RLN2: variants seen among roughly 807,000 people sequenced by gnomAD.
RLN2 encodes relaxin 2, also known as prorelaxin H2.
RLN2 carries 10 observed loss-of-function variants against 7.3 expected under a neutral mutation model. The ratio of observed to expected loss-of-function variants is 1.36; its 90% CI spans 0.84 to 2.31. The LOEUF (loss-of-function observed/expected upper bound fraction) is 2.31. RLN2 is among the 30% of genes most tolerant of loss of function. The pLI is 0.00. For synonymous variants in RLN2, 103 were observed against 82.3 expected (o/e 1.25, Z -1.36); for missense variants, 298 against 217.6 (o/e 1.37, Z -2.32).
At chr9:5,318,007 C>CGTGTGTGCGTGTGTGTGT in the RLN2 span, among the ~76,000 whole-genome samples, 9 of 147,948 alleles carry the variant, frequency 6.1e-5, no homozygotes, top group African/African-American at 2.3e-4. Context: ...TGTGTGTGTG[C>CGTGTGTGCGTGTGTGTGT]GTGTGTGTGT....
chr9:5,305,254 C>G (rs531499420), upstream of RLN2, among the ~76,000 whole-genome samples: 4 of 151,750 alleles, frequency 2.6e-5, no homozygotes, highest in Non-Finnish European at 5.9e-5. Context: ...ACAATTTCTC[C>G]ATTGCACTTT....
Position 5,300,235 on chromosome 9 carries a change from C to T in RLN2, c.421G>A (p.Ala141Thr), listed in dbSNP as rs61738985. 2.8e-3 allele frequency: 4,507 copies of T among 1,613,818 alleles called. 12 individuals are homozygous for T. Among genetic ancestry groups the T allele is most frequent in the Non-Finnish European group, 3.3e-3 (3,872 of 1,179,784 alleles). Reference protein sequence around the residue: ...KLIRNRQSEAADSSPSELKYL... With the variant: ...KLIRNRQSEATDSSPSELKYL... ...TTTAATTCTGAAGGACTGCTGTCTGCGGCTTCACTTTGTCTATTGCGAATA... is the reference window on the plus strand; with the variant it reads ...TTTAATTCTGAAGGACTGCTGTCTGTGGCTTCACTTTGTCTATTGCGAATA... Residue 141 changes from alanine (A) to threonine (T), a missense_variant, in exon 2 of 2, where the codon GCA becomes ACA. Coordinates refer to ENST00000381627, the MANE Select transcript of RLN2 (RefSeq NM_134441.3).
At chr9:5,334,237 G>T in the RLN2 span, among the ~76,000 whole-genome samples, 2 of 152,042 alleles carry the variant, frequency 1.3e-5, no homozygotes, top group South Asian at 4.2e-4. Flanking sequence ...GTGTTTGTTT[G>T]CAGATGACAT....
chr9:5,335,494 C>T, the RLN2 span: 2 of 1,612,954 alleles, frequency 1.2e-6, no homozygotes, highest in African/African-American at 1.3e-5. Flanking sequence ...ATGATGGTTG[C>T]CTCTCAGATA....
intron 1 of RLN2, among the ~76,000 whole-genome samples, chr9:5,301,583 C>G (rs949280301): frequency 6.6e-6 from 1 of 152,126 alleles, no homozygotes; most frequent in East Asian, 1.9e-4. Flanking sequence ...TCTTCCTGGA[C>G]AGGAAAACTC....
rs776086782 is a variant in RLN2, at chr9:5,304,437, G to C, written c.144C>G (p.Gly48=). The change falls in exon 1 of 2, where the codon GGC becomes GGG. Residue 48 remains glycine, a synonymous_variant. Coordinates refer to ENST00000381627, the MANE Select transcript of RLN2 (RefSeq NM_134441.3). ...ELVRAQIAIC[G]MSTWSKRSLS... is the part of the protein sequence containing the mutation. Reference sequence around the variant, plus strand: ...GAGACCTTTTGCTCCAGGTGCTCATGCCGCAAATGGCAATCTGCGCGCGAA... The same window carrying C: ...GAGACCTTTTGCTCCAGGTGCTCATCCCGCAAATGGCAATCTGCGCGCGAA... 6 of 1,612,778 alleles carry C rather than the reference G, an allele frequency of 3.7e-6. No individual in the cohort carries two copies. Among genetic ancestry groups the C allele is most frequent in the Non-Finnish European group, 4.2e-6 (5 of 1,179,662 alleles).
At chr9:5,314,903 A>G in the RLN2 span, among the ~76,000 whole-genome samples, 5 of 150,952 alleles carry the variant, frequency 3.3e-5, no homozygotes, top group African/African-American at 4.9e-5. Flanking sequence ...CGTTTCCCAA[A>G]TTGCAGCTGT....
In RLN2 at chr9:5,300,319, G is replaced by C. The variant is rs557794338; in HGVS notation, c.337C>G (p.Gln113Glu). 1.9e-6 allele frequency: 3 copies of C among 1,613,986 alleles called. No individual in the cohort carries two copies. The East Asian group carries it at 6.7e-5, about 36-fold the overall frequency. Residue 113 changes from glutamine to glutamate, a missense_variant, in exon 2 of 2, where the codon CAA (glutamine) becomes GAA (glutamate). Coordinates refer to ENST00000381627, the MANE Select transcript of RLN2 (RefSeq NM_134441.3). Reference sequence around the variant, plus strand: ...TCTTTTAATACAGGTACATGTTGTTGTAGCTGTGGTAATGCTGGCTGCATC... The same window carrying C: ...TCTTTTAATACAGGTACATGTTGTTCTAGCTGTGGTAATGCTGGCTGCATC... ...SEMQPALPQL[Q>E]QHVPVLKDSS...
the RLN2 span, among the ~76,000 whole-genome samples, chr9:5,322,526 C>CT: frequency 1.6e-4 from 24 of 151,876 alleles, no homozygotes; most frequent in African/African-American, 2.7e-4. Flanking sequence ...TGTGATCTTC[C>CT]TTTTTTTTGT....
the RLN2 span, among the ~76,000 whole-genome samples, chr9:5,329,842 A>G: frequency 6.6e-6 from 1 of 151,986 alleles, no homozygotes; most frequent in African/African-American, 2.4e-5. Context: ...TCAATAATAG[A>G]CAGATCAATG....
upstream of RLN2, among the ~76,000 whole-genome samples, chr9:5,306,954 G>C (rs1197336359): frequency 6.6e-6 from 1 of 152,046 alleles, no homozygotes; most frequent in Non-Finnish European, 1.5e-5. Flanking sequence ...TTCTGGGAAA[G>C]CCTTTATTTC....
At chr9:5,328,164 A>AAAAACCCCGTCTCTACTAAAAATAC in the RLN2 span, among the ~76,000 whole-genome samples, 1 of 152,024 alleles carries the variant, frequency 6.6e-6, no homozygotes, top group Non-Finnish European at 1.5e-5. Context: ...AAAACCTTGA[A>AAAAACCCCGTCTCTACTAAAAATAC]AAAAAGTTAG....
At chr9:5,300,964 A>T (rs1816114076) in intron 1 of RLN2, among the ~76,000 whole-genome samples, 1 of 152,152 alleles carries the variant, frequency 6.6e-6, no homozygotes, top group South Asian at 2.1e-4. Context: ...AATTTCCAAC[A>T]CCTCTGATCT....
chr9:5,330,429 G>C, the RLN2 span, among the ~76,000 whole-genome samples: 1 of 151,818 alleles, frequency 6.6e-6, no homozygotes, highest in Non-Finnish European at 1.5e-5. Context: ...ACGAGGTCAG[G>C]AGATCGAGAC....
chr9:5,304,285 T>C, intron 1 of RLN2, 85 bp downstream of exon 1: 1 of 881,262 alleles, frequency 1.1e-6, no homozygotes, highest in South Asian at 1.6e-5. Flanking sequence ...GAGTCGGACG[T>C]GCAGGCCGCC....
the RLN2 span, among the ~76,000 whole-genome samples, chr9:5,317,994 A>ATGTGTGTGCGTGTG: frequency 1.5e-5 from 1 of 64,746 alleles, no homozygotes; most frequent in Non-Finnish European, 3.0e-5. Context: ...TAACAAAACT[A>ATGTGTGTGCGTGTG]TGTGTGTGTG....
the RLN2 span, among the ~76,000 whole-genome samples, chr9:5,324,344 C>G: frequency 6.6e-6 from 1 of 151,954 alleles, no homozygotes; most frequent in African/African-American, 2.4e-5. Context: ...AAAATTCCCT[C>G]AAAACAAATG....
At chr9:5,338,204 A>C in the RLN2 span, among the ~76,000 whole-genome samples, 1 of 94,800 alleles carries the variant, frequency 1.1e-5, no homozygotes, top group Admixed American at 1.2e-4. Flanking sequence ...CTACTTTTAT[A>C]GTCAGAAAAT....
chr9:5,336,499 T>C, the RLN2 span, among the ~76,000 whole-genome samples: 1 of 152,032 alleles, frequency 6.6e-6, no homozygotes, highest in Non-Finnish European at 1.5e-5. Flanking sequence ...TTTGTACCCA[T>C]TCAGCTCCGT....
Sources: allele counts gnomAD v4.1 joint callset (sites outside exome capture counted in the v4.1 genomes callset), GRCh38; gene constraint gnomAD v4.1.1; transcripts MANE v1.5; gene names NCBI Gene and HGNC (gene_info 2026-07-23, HGNC 2026-07-21).